MARCHF6: variants seen among roughly 807,000 people sequenced by gnomAD.
MARCHF6 encodes the protein E3 ubiquitin-protein ligase MARCHF6.
Under a neutral mutation model 133.7 loss-of-function variants are expected in MARCHF6, and 31 were observed. The ratio of observed to expected loss-of-function variants is 0.23; its 90% CI spans 0.17 to 0.31. MARCHF6 has a LOEUF of 0.31. Ranked by LOEUF, MARCHF6 falls within the 10% of genes least tolerant of loss-of-function variation. The pLI, the probability that MARCHF6 is intolerant of heterozygous loss-of-function variation, is 1.00. For missense variants in MARCHF6, 723 were observed against 1,121.6 expected (o/e 0.64, Z 5.08); for synonymous variants, 395 against 402.5 (o/e 0.98, Z 0.22).
intron 1 of MARCHF6, among the ~76,000 whole-genome samples, chr5:10,366,957 C>T (rs1209816454): frequency 6.6e-6 from 1 of 152,170 alleles, no homozygotes; most frequent in Non-Finnish European, 1.5e-5. Context: ...CTTTCGGCCT[C>T]CAACAGTTAC....
Position 10,423,719 on chromosome 5 carries a change from G to T in MARCHF6, c.2284-16G>T. On this transcript the variant is annotated splice_polypyrimidine_tract_variant and intron_variant, in intron 22 of 25. Coordinates refer to ENST00000274140, the MANE Select transcript of MARCHF6 (RefSeq NM_005885.4). ...AAAAACAACAGAAATATGTTAAATG[G>T]TTTTTAATTCCCTAGGACTGGGCAC... 1.9e-6 allele frequency: 3 copies of T among 1,573,370 alleles called. No homozygotes were observed. Among genetic ancestry groups the T allele is most frequent in the South Asian group, 1.1e-5 (1 of 88,888 alleles).
chr5:10,430,119 C>T lies in MARCHF6; in HGVS notation c.2642+91C>T. On this transcript the variant is annotated intron_variant, in intron 25 of 25. Coordinates refer to ENST00000274140, the MANE Select transcript of MARCHF6 (RefSeq NM_005885.4). ...TGACAAATCATAGGAGGGAAACATG[C>T]TCAGATTCTGGATATACTTGGAGGT... 4 of 1,415,156 alleles carry T rather than the reference C, an allele frequency of 2.8e-6. No homozygotes were observed. The Admixed American group carries it at 6.0e-5, about 21-fold the overall frequency. 87.7% of individuals were successfully genotyped at this position (1,415,156 alleles called of 1,614,324 possible). A position where few individuals can be genotyped will look rare whatever the true frequency, so the allele number is the denominator to read the frequency against.
intron 4 of MARCHF6, 48 bp downstream of exon 4, chr5:10,381,991 A>G: frequency 6.6e-7 from 1 of 1,522,292 alleles, no homozygotes. Context: ...TTGCATAACT[A>G]CTTAATATTA....
At position 10,353,781 on chromosome 5, in the gene MARCHF6, T is replaced by C; in HGVS notation, c.-118T>C. On this transcript the variant is annotated 5_prime_UTR_variant, in exon 1 of 26. Coordinates refer to ENST00000274140, the MANE Select transcript of MARCHF6 (RefSeq NM_005885.4). ...CCCCTCTCCTTCCTCTCGCTTCCTC[T>C]CTCGCACCTGAGCGTACGCACCTGC... 2 of 787,222 alleles carry C rather than the reference T, an allele frequency of 2.5e-6. No homozygotes were observed. Among genetic ancestry groups the C allele is most frequent in the East Asian group, 3.9e-5 (1 of 25,340 alleles). The allele number at this position is 787,222 out of a possible 1,614,324, so 48.8% of individuals were successfully genotyped here. A position where few individuals can be genotyped will look rare whatever the true frequency, so the allele number is the denominator to read the frequency against.
At chr5:10,430,305 GTT>G (rs576172086) in intron 25 of MARCHF6, among the ~76,000 whole-genome samples, 2 of 133,510 alleles carry the variant, frequency 1.5e-5, no homozygotes, top group Middle Eastern at 3.8e-3. Context: ...TTTGGTGGTG[GTT>G]TTTTTTTTTT....
intron 24 of MARCHF6, among the ~76,000 whole-genome samples, chr5:10,427,643 C>T (rs1390441076): frequency 6.6e-6 from 1 of 152,168 alleles, no homozygotes; most frequent in African/African-American, 2.4e-5. Flanking sequence ...AAACACACAA[C>T]CAAACTTGCA....
chr5:10,400,379 C>T (rs750890936), intron 10 of MARCHF6, among the ~76,000 whole-genome samples: 9 of 152,138 alleles, frequency 5.9e-5, no homozygotes, highest in Non-Finnish European at 7.4e-5. Flanking sequence ...CATGGGTGTG[C>T]TAACTGCTTC....
chr5:10,419,263 G>A (rs1391865939), intron 22 of MARCHF6, among the ~76,000 whole-genome samples: 1 of 152,142 alleles, frequency 6.6e-6, no homozygotes, highest in South Asian at 2.1e-4. Context: ...TCAGTAAATT[G>A]CATGAGATAG....
At chr5:10,407,798 AC>A (rs1404846339) in intron 17 of MARCHF6, among the ~76,000 whole-genome samples, 1 of 152,150 alleles carries the variant, frequency 6.6e-6, no homozygotes, top group Non-Finnish European at 1.5e-5. Context: ...TACTAAAAAT[AC>A]AAAAAAATTA....
At chr5:10,433,109 G>C (rs1208502528) in intron 25 of MARCHF6, among the ~76,000 whole-genome samples, 5 of 151,950 alleles carry the variant, frequency 3.3e-5, no homozygotes, top group African/African-American at 7.2e-5. Flanking sequence ...AGGCTGGTCT[G>C]AAACTCCTGA....
intron 24 of MARCHF6, among the ~76,000 whole-genome samples, chr5:10,426,942 C>T (rs1269350892): frequency 3.3e-5 from 5 of 152,234 alleles, no homozygotes; most frequent in East Asian, 1.9e-4. Flanking sequence ...TACTGAAATA[C>T]ACTGTCTTGT....
At chr5:10,433,439 A>G (rs1270721175) in intron 25 of MARCHF6, among the ~76,000 whole-genome samples, 155 bp from the exon 26 acceptor site, 1 of 152,246 alleles carries the variant, frequency 6.6e-6, no homozygotes, top group African/African-American at 2.4e-5. Context: ...ATACCTAGGT[A>G]GATGTGTCAG....
chr5:10,391,470 G>A (rs1056642474), intron 6 of MARCHF6, 72 bp from the exon 7 acceptor site: 4 of 373,336 alleles, frequency 1.1e-5, no homozygotes, highest in Admixed American at 5.9e-5. Context: ...TTTTTAGCAG[G>A]AATAATGTGA....
intron 15 of MARCHF6, among the ~76,000 whole-genome samples, chr5:10,404,894 G>T (rs1042268581): frequency 2.6e-5 from 4 of 152,196 alleles, no homozygotes; most frequent in Non-Finnish European, 4.4e-5. Context: ...GTAATTATAT[G>T]TGAACTCCAG....
chr5:10,387,877 G>A (rs1223672797), intron 5 of MARCHF6, among the ~76,000 whole-genome samples: 4 of 152,030 alleles, frequency 2.6e-5, no homozygotes, highest in East Asian at 1.9e-4. Context: ...AGCCAGGCTC[G>A]TCTCAAACTC....
intron 23 of MARCHF6, among the ~76,000 whole-genome samples, chr5:10,424,330 GA>G (rs1195298317): frequency 6.6e-6 from 1 of 152,182 alleles, no homozygotes; most frequent in Non-Finnish European, 1.5e-5. Context: ...TAGAGGCCCA[GA>G]AAGGCCCAAA....
intron 1 of MARCHF6, among the ~76,000 whole-genome samples, chr5:10,355,898 A>G (rs1244633597): frequency 6.6e-6 from 1 of 151,828 alleles, no homozygotes; most frequent in Non-Finnish European, 1.5e-5. Context: ...TATTTTTGTC[A>G]CTCCCTCTAT....
chr5:10,385,372 A>T (rs1176665129), intron 4 of MARCHF6, among the ~76,000 whole-genome samples: 2 of 152,244 alleles, frequency 1.3e-5, no homozygotes, highest in Non-Finnish European at 2.9e-5. Flanking sequence ...AAGAATAGAA[A>T]TAGGATGAGT....
In MARCHF6 at chr5:10,377,902, A is replaced by T. The variant is rs2126692478; in HGVS notation, c.116+8A>T. 2 of 1,567,966 alleles carry T rather than the reference A, an allele frequency of 1.3e-6. No homozygotes were observed. Among genetic ancestry groups the T allele is most frequent in the East Asian group, 4.5e-5 (2 of 44,602 alleles). ...GTTTATCCATCAAGAATGGTAAGTC[A>T]TACTTTTAGAAAGTTATGTAAGTCT... On this transcript the variant is annotated splice_region_variant and intron_variant, in intron 2 of 25. Coordinates refer to ENST00000274140, the MANE Select transcript of MARCHF6 (RefSeq NM_005885.4).
Sources: allele counts gnomAD v4.1 joint callset (sites outside exome capture counted in the v4.1 genomes callset), GRCh38; gene constraint gnomAD v4.1.1; transcripts MANE v1.5; gene names NCBI Gene and HGNC (gene_info 2026-07-23, HGNC 2026-07-21).